EBF4: variants seen among roughly 807,000 people sequenced by gnomAD.
The protein encoded by EBF4 is EBF transcription factor 4.
EBF4 carries 34 observed loss-of-function variants against 67.1 expected under a neutral mutation model. That is an observed-to-expected ratio of 0.51 (90% CI 0.39 to 0.67). EBF4 has a LOEUF of 0.67. Ranked by LOEUF, EBF4 falls within the 30% of genes least tolerant of loss-of-function variation. The probability of loss-of-function intolerance (pLI) is 0.00; values close to 1 mark genes in which losing one functional copy is unlikely to be tolerated. For synonymous variants in EBF4, 387 were observed against 377.7 expected, an observed-to-expected ratio of 1.02 and a Z score of -0.29; for missense variants, 837 against 873.3, an observed-to-expected ratio of 0.96 and a Z score of 0.52.
At chr20:2,742,729 C>T (rs952552821) in intron 6 of EBF4, among the ~76,000 whole-genome samples, 3 of 152,100 alleles carry the variant, frequency 2.0e-5, no homozygotes, top group East Asian at 1.9e-4. Context: ...TCAGGAAAAA[C>T]GGGCTTTCCT....
intron 1 of EBF4, among the ~76,000 whole-genome samples, chr20:2,697,406 G>T (rs991412195): frequency 6.6e-6 from 1 of 151,320 alleles, no homozygotes; most frequent in East Asian, 1.9e-4. Context: ...TTAGCCGGGC[G>T]TGGTGGCGGG....
intron 6 of EBF4, among the ~76,000 whole-genome samples, chr20:2,735,809 A>G (rs1172951998): frequency 1.3e-5 from 2 of 152,238 alleles, no homozygotes; most frequent in Non-Finnish European, 2.9e-5. Context: ...GGAGACAAAT[A>G]TAATTATGTA....
chr20:2,713,770 A>T lies in EBF4; in HGVS notation c.557+4128A>T, dbSNP rs533547627. Among the ~76,000 whole-genome samples the T allele has an allele frequency of 2.0e-5, 3 of 152,276 alleles. No individual in the cohort carries two copies. The East Asian group carries it at 5.8e-4, about 29-fold the overall frequency. ...GATGAGAGTGTGGACATCAATTCTGATGGGGCCAAAGGATTGTTGGAGTTG... is the reference window on the plus strand; with the variant it reads ...GATGAGAGTGTGGACATCAATTCTGTTGGGGCCAAAGGATTGTTGGAGTTG... On this transcript the variant is annotated intron_variant, in intron 6 of 16. Coordinates refer to ENST00000609451, the Ensembl canonical transcript of EBF4.
At position 2,715,989 on chromosome 20, in the gene EBF4, T is replaced by A. The variant is rs73606172; in HGVS notation, c.557+6347T>A. Among the ~76,000 whole-genome samples, 3 of 152,060 alleles carry A rather than the reference T, an allele frequency of 2.0e-5. No individual in the cohort carries two copies. The East Asian group carries it at 5.9e-4, about 30-fold the overall frequency. ...GTCTCGAACTCCTGACCTCAAGTGG[T>A]CTGCCTGCCTTGGCCTCCCGAAGTG... On this transcript the variant is annotated intron_variant, in intron 6 of 16. Coordinates refer to ENST00000609451, the Ensembl canonical transcript of EBF4.
intron 6 of EBF4, among the ~76,000 whole-genome samples, chr20:2,730,283 T>C (rs2087796222): frequency 6.6e-6 from 1 of 152,138 alleles, no homozygotes; most frequent in African/African-American, 2.4e-5. Flanking sequence ...TTCCCTTGCC[T>C]CTCTTAGCTT....
At chr20:2,749,809 C>T in intron 9 of EBF4, 38 bp from the exon 10 acceptor site, 8 of 1,541,764 alleles carry the variant, frequency 5.2e-6, no homozygotes, top group Non-Finnish European at 6.1e-6. Context: ...CTCCCCTCGC[C>T]GGTGCGGGAC....
exon 10 of EBF4, chr20:2,749,893 T>C: frequency 6.4e-7 from 1 of 1,551,080 alleles, no homozygotes; most frequent in Non-Finnish European, 8.7e-7. Flanking sequence ...CCGCGGCACA[T>C]CCCCGGGGTG....
chr20:2,759,375 TC>T (rs2088291995), exon 17 of EBF4: 1 of 239,078 alleles, frequency 4.2e-6, no homozygotes, highest in Non-Finnish European at 8.2e-6. Flanking sequence ...TGGGCGGACC[TC>T]AACCCGTGAG....
rs78797013 is a variant in EBF4, at chr20:2,714,336, C to T, written c.557+4694C>T. On this transcript the variant is annotated intron_variant, in intron 6 of 16. Transcript: ENST00000609451. The stretch of plus-strand genomic sequence containing the variant: ...CTTCTTTCCTTCTCTCTTTCTCTCT[C>T]TCTTTCTTTCTTTCTTTTCTTTCTT... 3.3e-5 allele frequency among the ~76,000 whole-genome samples: 5 copies of T among 151,324 alleles called. No individual in the cohort carries two copies. The East Asian group carries it at 7.8e-4, about 24-fold the overall frequency.
At position 2,707,856 on chromosome 20, in the gene EBF4, A is replaced by C. The variant is rs2087480357; in HGVS notation, c.415-91A>C. 2 of 1,295,208 alleles carry C rather than the reference A, an allele frequency of 1.5e-6. No individual in the cohort carries two copies. The highest frequency in any genetic ancestry group is 2.1e-6 in the Non-Finnish European group (2 of 947,166). 80.2% of individuals were successfully genotyped at this position (1,295,208 alleles called of 1,614,324 possible). ...CCTGGGGCAGGGTCTCCCTGGGCCT[A>C]GGCTTGGGAGATGCCAGGTCCGTCT... On this transcript the variant is annotated intron_variant, in intron 4 of 16. Transcript: ENST00000609451. The surrounding 1 kb of genome is among the most constrained non-coding windows in gnomAD (Gnocchi z 4.6).
At chr20:2,695,005 A>G (rs1273174440) in intron 1 of EBF4, among the ~76,000 whole-genome samples, 1 of 152,210 alleles carries the variant, frequency 6.6e-6, no homozygotes, top group Non-Finnish European at 1.5e-5. Context: ...CTCCTCTGTA[A>G]TACAACTACT....
At chr20:2,703,696 A>G (rs1400339956) in intron 1 of EBF4, among the ~76,000 whole-genome samples, 1 of 141,990 alleles carries the variant, frequency 7.0e-6, no homozygotes, top group Non-Finnish European at 1.5e-5. Context: ...CTTGAGCCCA[A>G]GTCTTCAAAT....
intron 1 of EBF4, among the ~76,000 whole-genome samples, chr20:2,698,543 G>A (rs1000234986): frequency 5.9e-5 from 9 of 152,118 alleles, no homozygotes; most frequent in African/African-American, 2.2e-4. Flanking sequence ...GGAGAGCAGG[G>A]GCCAATGGGA....
At chr20:2,700,403 A>G (rs1197028337) in intron 1 of EBF4, among the ~76,000 whole-genome samples, 1 of 151,938 alleles carries the variant, frequency 6.6e-6, no homozygotes, top group African/African-American at 2.4e-5. Context: ...TTTCTTTTAA[A>G]TTAAGGATAC....
At chr20:2,715,182 A>G (rs73892654) in intron 6 of EBF4, among the ~76,000 whole-genome samples, 6,888 of 151,462 alleles carry the variant, frequency 0.045, 502 homozygotes, top group African/African-American at 0.15. Context: ...CTGGCTTGTT[A>G]AAAAAAAATT....
intron 6 of EBF4, among the ~76,000 whole-genome samples, chr20:2,721,487 C>G (rs2087680377): frequency 6.6e-6 from 1 of 151,996 alleles, no homozygotes; most frequent in Non-Finnish European, 1.5e-5. Context: ...TGGAGTCTCG[C>G]TCTGTCACCC....
At chr20:2,737,168 T>C (rs758062652) in intron 6 of EBF4, among the ~76,000 whole-genome samples, 1 of 148,724 alleles carries the variant, frequency 6.7e-6, no homozygotes, top group African/African-American at 2.5e-5. Flanking sequence ...GAGAATGGCG[T>C]GAACCCGGGA....
intron 2 of EBF4, 52 bp downstream of exon 2, chr20:2,705,785 C>CCA (rs71193988): frequency 0.073 from 53,778 of 736,700 alleles, 663 homozygotes; most frequent in South Asian, 0.086. Flanking sequence ...GAACCCCCAA[C>CCA]CACACACACA....
At chr20:2,726,522 C>T (rs184844458) in intron 6 of EBF4, among the ~76,000 whole-genome samples, 16 of 151,136 alleles carry the variant, frequency 1.1e-4, no homozygotes, top group Admixed American at 1.1e-3. Context: ...TCAAGGTTAC[C>T]GTGAGCTATG....
Sources: gnomAD v4.1 joint callset for allele counts (sites outside exome capture counted in the v4.1 genomes callset) on GRCh38, gnomAD v4.1.1 for gene constraint, Gnocchi (gnomAD v3.1) non-coding constraint, MANE v1.5 for transcripts, NCBI Gene and HGNC (gene_info 2026-07-23, HGNC 2026-07-21) for gene names.